Variants in BRD8 observed in about 807,000 individuals in gnomAD.
BRD8 encodes bromodomain containing 8, also known as bromodomain-containing protein 8.
Under a neutral mutation model 143.1 loss-of-function variants are expected in BRD8, and 67 were observed. The observed-to-expected ratio is 0.47, with a 90% CI of 0.38 to 0.57. The LOEUF is 0.57. Among genes scored for constraint, BRD8 ranks in the 20% least tolerant of loss-of-function variants. The probability of loss-of-function intolerance (pLI) is 0.00; values close to 1 mark genes in which losing one functional copy is unlikely to be tolerated. For synonymous variants in BRD8, 505 were observed against 517.1 expected (o/e 0.98, Z 0.32); for missense variants, 1,103 against 1,503.0 (o/e 0.73, Z 4.40).
intron 2 of BRD8, chr5:138,172,842 A>T (rs1201915414): frequency 5.5e-6 from 2 of 364,900 alleles, no homozygotes; most frequent in Non-Finnish European, 1.1e-5. Flanking sequence ...TGACAGAGTA[A>T]GACCACCCCC....
At chr5:138,165,738 A>AT in intron 11 of BRD8, 90 bp downstream of exon 11, 1 of 1,391,110 alleles carries the variant, frequency 7.2e-7, no homozygotes, top group East Asian at 2.4e-5. Flanking sequence ...AAAAAAAAAA[A>AT]AAAAAAGCAG....
intron 11 of BRD8, 57 bp from the exon 12 acceptor site, chr5:138,165,223 T>C: frequency 6.5e-7 from 1 of 1,545,982 alleles, no homozygotes; most frequent in Non-Finnish European, 8.7e-7. Flanking sequence ...AGTCCTTCAA[T>C]TTTTGTTAGC....
chr5:138,145,666 C>T (rs545278689), intron 24 of BRD8, 123 bp downstream of exon 24: 51 of 832,900 alleles, frequency 6.1e-5, no homozygotes, highest in African/African-American at 6.0e-4. Context: ...GGCTTAGATA[C>T]AGAATCTACC....
chr5:138,166,060 T>A lies in BRD8; in HGVS notation c.1046A>T (p.His349Leu). 6.2e-7 allele frequency: 1 copy of A among 1,614,120 alleles called. No individual in the cohort carries two copies. The highest frequency in any genetic ancestry group is 8.5e-7 in the Non-Finnish European group (1 of 1,179,990). The change falls in exon 11 of 27, where the codon CAT becomes CTT. Residue 349 changes from histidine to leucine, a missense_variant. Transcript: ENST00000254900. Reference protein sequence around the residue: ...CVPMEAVGDPHTVTVSMDSSE... With the variant: ...CVPMEAVGDPLTVTVSMDSSE... ...GCTGTCCATGGAAACAGTCACAGTA[T>A]GTGGATCCCCCACAGCCTCCATGGG...
At chr5:138,160,325 A>C (rs1010998919) in intron 18 of BRD8, 152 bp from the exon 19 acceptor site, 2 of 608,016 alleles carry the variant, frequency 3.3e-6, no homozygotes, top group Non-Finnish European at 5.7e-6. Flanking sequence ...TTAAGTTTTA[A>C]TTCTAGTTGC....
At position 138,172,117 on chromosome 5, in the gene BRD8, G is replaced by A; in HGVS notation, c.134C>T (p.Ala45Val). Residue 45 changes from alanine to valine, a missense_variant, in exon 3 of 27, where the codon GCA (alanine) becomes GTA (valine). By Grantham distance (64) the Ala-to-Val change is moderately conservative. This residue lies in a region of BRD8 where 69 missense variants were observed against 121.6 expected (regional missense o/e 0.57). Transcript: ENST00000254900. ...GDQNWVSVSR[A>V]IKPFAEPGRP... ...GCCAGGTTCTGCAAAGGGCTTGATT[G>A]CTCTGCTAACTGATACCCTACAAAA... The A allele has an allele frequency of 6.2e-7, 1 of 1,613,350 alleles. No homozygotes were observed. Among genetic ancestry groups the A allele is most frequent in the Non-Finnish European group, 8.5e-7 (1 of 1,179,702 alleles).
chr5:138,158,644 T>C (rs756664649), intron 20 of BRD8, among the ~76,000 whole-genome samples: 5 of 151,500 alleles, frequency 3.3e-5, no homozygotes, highest in Non-Finnish European at 5.9e-5. Flanking sequence ...GGTTTTTACA[T>C]GTTGGTCAGG....
At chr5:138,164,065 A>G (rs1485639636) in intron 14 of BRD8, 22 bp downstream of exon 14, 2 of 1,609,896 alleles carry the variant, frequency 1.2e-6, no homozygotes, top group African/African-American at 2.7e-5. Context: ...TGGCAAGAGG[A>G]ATAAAGAAAA....
In BRD8 at chr5:138,166,740, G is replaced by C. The variant is rs183836832; in HGVS notation, c.788-13C>G. ...AGAGTGGGAGCACCTAACATATAAA[G>C]AGGTACACAAAATGAAGTAAGAAGA... On this transcript the variant is annotated splice_polypyrimidine_tract_variant and intron_variant, in intron 9 of 26. Transcript: ENST00000254900. 168 of 1,521,802 alleles carry C rather than the reference G, an allele frequency of 1.1e-4. No homozygotes were observed. The African/African-American group carries it at 2.1e-3, about 19-fold the overall frequency. 94.3% of individuals were successfully genotyped at this position (1,521,802 alleles called of 1,614,324 possible).
intron 25 of BRD8, among the ~76,000 whole-genome samples, chr5:138,143,372 C>A (rs535018670): frequency 6.6e-6 from 1 of 151,570 alleles, no homozygotes; most frequent in East Asian, 1.9e-4. Flanking sequence ...CCAGCTACTC[C>A]GGAGGCTGAA....
In BRD8 at chr5:138,160,047, G is replaced by A. The variant is rs375973577; in HGVS notation, c.2532+22C>T. On this transcript the variant is annotated intron_variant, in intron 19 of 26. Coordinates refer to ENST00000254900, the MANE Select transcript of BRD8 (RefSeq NM_139199.2). ...TCTACTACTGGAACACTGGCACACA[G>A]GTTCCTTCCTGATCGCCTCACCTTC... is the stretch of plus-strand genomic sequence containing the variant. 1.7e-5 allele frequency: 27 copies of A among 1,578,556 alleles called. 1 individual carries two copies. The Middle Eastern group carries it at 3.8e-3, about 221-fold the overall frequency.
At chr5:138,148,617 C>T (rs1273512742) in intron 23 of BRD8, among the ~76,000 whole-genome samples, 1 of 152,056 alleles carries the variant, frequency 6.6e-6, no homozygotes, top group Non-Finnish European at 1.5e-5. Flanking sequence ...AATCCTCCTG[C>T]CTCTGCCTCC....
chr5:138,142,754 T>C lies in BRD8; in HGVS notation c.3438-1872A>G, dbSNP rs542462839. ...CTCCAGCCTGGTGACAGAGCAAGAC[T>C]GTCTCAAAAAAAAAAAAAAAAAAAA... is the stretch of plus-strand genomic sequence containing the variant. On this transcript the variant is annotated intron_variant, in intron 25 of 26. Transcript: ENST00000254900. 7.0e-4 allele frequency among the ~76,000 whole-genome samples: 83 copies of C among 118,634 alleles called. 1 individual carries two copies. The East Asian group carries it at 0.019, about 28-fold the overall frequency. 77.8% of individuals were successfully genotyped at this position (118,634 alleles called of 152,430 possible).
Position 138,157,397 on chromosome 5 carries a change from G to A in BRD8, c.2577+2158C>T, listed in dbSNP as rs998584224. On this transcript the variant is annotated intron_variant, in intron 20 of 26. Transcript: ENST00000254900. ...AATCAGCAGAAAAATCCAGAGGGAT[G>A]AGGGGCATATTTCTGTCTTCCCACA... is the stretch of plus-strand genomic sequence containing the variant. 4.5e-5 allele frequency: 53 copies of A among 1,183,116 alleles called. No homozygotes were observed. The East Asian group carries it at 1.2e-3, about 28-fold the overall frequency. The allele number at this position is 1,183,116 out of a possible 1,614,324, so 73.3% of individuals were successfully genotyped here. A position where few individuals can be genotyped will look rare whatever the true frequency, so the allele number is the denominator to read the frequency against.
rs367744614 is a variant in BRD8 at position 138,140,028 on chromosome 5, C to T, written c.*46G>A. 4.9e-4 allele frequency: 714 copies of T among 1,463,864 alleles called. 1 individual carries two copies. The highest frequency in any genetic ancestry group is 6.4e-4 in the Non-Finnish European group (667 of 1,043,810). 90.7% of individuals were successfully genotyped at this position (1,463,864 alleles called of 1,614,324 possible). On this transcript the variant is annotated 3_prime_UTR_variant, in exon 27 of 27. Transcript: ENST00000254900. ...CAGGATCCTCTCTAGGTCAGAGTTC[C>T]GGGAGAGATTCAAACTCTAGAAAAA... is the stretch of plus-strand genomic sequence containing the variant.
At position 138,152,560 on chromosome 5, in the gene BRD8, A is replaced by G. The variant is rs200412361; in HGVS notation, c.2778T>C (p.Val926=). The change falls in exon 21 of 27, where the codon GTT becomes GTC. Residue 926 remains valine, a synonymous_variant. Transcript: ENST00000254900. ...SPEREPSELL[V]GDGGSEESQE... ...GAGATTCCTCACTGCCTCCATCCCC[A>G]ACAAGCAGTTCACTAGGTTCTCTCT... is the stretch of plus-strand genomic sequence containing the variant. The G allele has an allele frequency of 3.2e-5, 51 of 1,614,144 alleles. No individual in the cohort carries two copies. Among genetic ancestry groups the G allele is most frequent in the Non-Finnish European group, 4.2e-5 (49 of 1,180,040 alleles).
rs191895585 is a variant in BRD8, at chr5:138,170,918, G to A, written c.360-6C>T. 189 of 1,613,858 alleles carry A rather than the reference G, an allele frequency of 1.2e-4. 1 individual carries two copies. In the East Asian group the frequency reaches 4.0e-3, roughly 34 times the overall value. On this transcript the variant is annotated splice_polypyrimidine_tract_variant and splice_region_variant and intron_variant, in intron 5 of 26. Transcript: ENST00000254900. ...CTGCATCTCTCTTTAGCCGTCTATA[G>A]GAAGAAAGAGAGGTAGGTAGACTGG...
chr5:138,160,820 AT>A (rs1752948035), intron 18 of BRD8, 70 bp downstream of exon 18: 2 of 1,396,570 alleles, frequency 1.4e-6, no homozygotes, highest in South Asian at 3.3e-5. Flanking sequence ...CCTTCTTGGC[AT>A]CAATATGAAT....
rs370328814 is a variant in BRD8 at position 138,150,732 on chromosome 5, G to T, written c.3120+13C>A. On this transcript the variant is annotated intron_variant, in intron 22 of 26. Transcript: ENST00000254900. ...AAGACCAACAAGACAGCTGATTTAA[G>T]TTACTTTCTTACCTCTTCACTCTCT... is the stretch of plus-strand genomic sequence containing the variant. 6.3e-7 allele frequency: 1 copy of T among 1,592,252 alleles called. No homozygotes were observed. The highest frequency in any genetic ancestry group is 8.5e-7 in the Non-Finnish European group (1 of 1,170,484).
Sources: allele counts gnomAD v4.1 joint callset (sites outside exome capture counted in the v4.1 genomes callset), GRCh38; gene constraint gnomAD v4.1.1; regional missense constraint gnomAD v4.1.1; transcripts MANE v1.5; gene names NCBI Gene and HGNC (gene_info 2026-07-23, HGNC 2026-07-21).